Variants in AIDA observed in about 807,000 individuals in gnomAD.
AIDA encodes axin interactor, dorsalization associated.
Under a neutral mutation model 42.7 loss-of-function variants are expected in AIDA, and 18 were observed. That is an observed-to-expected ratio of 0.42 (90% CI 0.29 to 0.63). The LOEUF (loss-of-function observed/expected upper bound fraction) is 0.63, where lower values mean the gene tolerates loss of function less well. Among genes scored for constraint, AIDA ranks in the 20% least tolerant of loss-of-function variants. AIDA has a pLI of 0.19. For missense variants in AIDA, 250 were observed against 354.1 expected (o/e 0.71, Z 2.36); for synonymous variants, 104 against 122.9 (o/e 0.85, Z 1.02).
chr1:222,696,882 C>G (rs917374444), intron 2 of AIDA, among the ~76,000 whole-genome samples: 1 of 152,036 alleles, frequency 6.6e-6, no homozygotes, highest in Non-Finnish European at 1.5e-5. Context: ...TATGAGTCCA[C>G]CAATAAACTA....
At position 222,712,300 on chromosome 1, in the gene AIDA, C is replaced by G; in HGVS notation, c.18G>C (p.Arg6=). The change falls in exon 1 of 10, where the codon CGG becomes CGC. Residue 6 remains arginine (R), a synonymous_variant. Coordinates refer to ENST00000340020, the MANE Select transcript of AIDA (RefSeq NM_022831.4). The stretch of plus-strand genomic sequence containing the variant: ...TGGCGCCCCAGCGCTGCAGCAGACT[C>G]CGGGTCACCTCCGACATGGCCGGTC... MSEVT[R]SLLQRWGASF... is the part of the protein sequence containing the mutation. The G allele has an allele frequency of 1.3e-6, 2 of 1,570,140 alleles. No individual in the cohort carries two copies. The highest frequency in any genetic ancestry group is 1.7e-6 in the Non-Finnish European group (2 of 1,157,656).
At chr1:222,687,428 C>T (rs1655230333) in intron 5 of AIDA, among the ~76,000 whole-genome samples, 167 bp downstream of exon 5, 1 of 151,846 alleles carries the variant, frequency 6.6e-6, no homozygotes, top group South Asian at 2.1e-4. Context: ...AAGACTCCAT[C>T]TCAAAAAAAT....
At chr1:222,702,272 C>G (rs1180579720) in intron 2 of AIDA, among the ~76,000 whole-genome samples, 2 of 152,126 alleles carry the variant, frequency 1.3e-5, no homozygotes, top group African/African-American at 4.8e-5. Flanking sequence ...GTGGAAAAAT[C>G]ATTACCACTC....
intron 2 of AIDA, among the ~76,000 whole-genome samples, chr1:222,702,017 C>A (rs1655722484): frequency 7.7e-6 from 1 of 130,436 alleles, no homozygotes. Flanking sequence ...AGCTACCACA[C>A]CCAGCCAAAA....
At chr1:222,700,827 G>A (rs1298691155) in intron 2 of AIDA, among the ~76,000 whole-genome samples, 1 of 151,906 alleles carries the variant, frequency 6.6e-6, no homozygotes, top group East Asian at 1.9e-4. Context: ...CCATGTGGCT[G>A]CTAAGGAATA....
intron 4 of AIDA, among the ~76,000 whole-genome samples, chr1:222,688,590 T>G (rs933851387): frequency 6.6e-6 from 1 of 151,462 alleles, no homozygotes; most frequent in Non-Finnish European, 1.5e-5. Context: ...TTCTACTTAC[T>G]AAAAAAAAGT....
At chr1:222,685,032 A>G (rs765781262) in intron 6 of AIDA, among the ~76,000 whole-genome samples, 1 of 152,188 alleles carries the variant, frequency 6.6e-6, no homozygotes, top group African/African-American at 2.4e-5. Flanking sequence ...AATACCCTAT[A>G]AAAGCAAGAA....
At chr1:222,671,727 G>A (rs1664452709) in intron 8 of AIDA, among the ~76,000 whole-genome samples, 1 of 152,170 alleles carries the variant, frequency 6.6e-6, no homozygotes, top group Admixed American at 6.5e-5. Flanking sequence ...CTCTTCCCTA[G>A]GTGTGTGACC....
rs948869272 is a variant in AIDA, at chr1:222,669,072, ATTTTTAGATTACAT to A, written c.*807_*820del. 1.3e-5 allele frequency: 2 copies of A among 151,942 alleles called. No individual in the cohort carries two copies. Among genetic ancestry groups the A allele is most frequent in the African/African-American group, 4.8e-5 (2 of 41,338 alleles). The allele number at this position is 151,942 out of a possible 1,614,324, so 9.4% of individuals were successfully genotyped here. A position where few individuals can be genotyped will look rare whatever the true frequency, so the allele number is the denominator to read the frequency against. On this transcript the variant is annotated 3_prime_UTR_variant, in exon 10 of 10. Coordinates refer to ENST00000340020, the MANE Select transcript of AIDA (RefSeq NM_022831.4). ...TATCTCGTTAGCATCTGACTCAATT[ATTTTTAGATTACAT>A]TGTTTAGAAGACATTGTAAACCCAT...
intron 6 of AIDA, among the ~76,000 whole-genome samples, chr1:222,681,424 G>T (rs1464451885): frequency 6.6e-6 from 1 of 152,208 alleles, no homozygotes; most frequent in African/African-American, 2.4e-5. Flanking sequence ...AGCACTTTGG[G>T]AGGCCAAGGT....
At chr1:222,687,414 A>T (rs1655229944) in intron 5 of AIDA, among the ~76,000 whole-genome samples, 181 bp downstream of exon 5, 1 of 152,046 alleles carries the variant, frequency 6.6e-6, no homozygotes, top group South Asian at 2.1e-4. Context: ...CTGGGTGACA[A>T]AGCAAGACTC....
intron 8 of AIDA, 40 bp from the exon 9 acceptor site, chr1:222,670,290 C>G: frequency 6.6e-7 from 1 of 1,503,982 alleles, no homozygotes; most frequent in African/African-American, 1.4e-5. Flanking sequence ...ACAGATAGCA[C>G]ATTTCTTGTG....
chr1:222,706,494 A>T (rs552471681), intron 1 of AIDA, among the ~76,000 whole-genome samples: 37 of 147,240 alleles, frequency 2.5e-4, no homozygotes, highest in African/African-American at 7.9e-4. Context: ...ACACCAATTT[A>T]AAAAAAAAAA....
chr1:222,688,326 A>G (rs1655256303), intron 4 of AIDA, among the ~76,000 whole-genome samples: 1 of 152,116 alleles, frequency 6.6e-6, no homozygotes, highest in Non-Finnish European at 1.5e-5. Context: ...TAATTCTCAT[A>G]TTTCTTTTAT....
intron 1 of AIDA, among the ~76,000 whole-genome samples, chr1:222,705,662 C>G (rs1226862740): frequency 2.6e-5 from 4 of 152,140 alleles, no homozygotes; most frequent in Admixed American, 6.5e-5. Flanking sequence ...GTGGGTGGAT[C>G]ACCTGAGGTG....
intron 1 of AIDA, among the ~76,000 whole-genome samples, chr1:222,709,670 A>G (rs1051044154): frequency 2.0e-5 from 3 of 152,214 alleles, no homozygotes; most frequent in Non-Finnish European, 2.9e-5. Context: ...TAATGGGGGG[A>G]AAAGTGCCCC....
intron 4 of AIDA, among the ~76,000 whole-genome samples, chr1:222,691,272 T>A (rs1017232680): frequency 4.6e-5 from 7 of 152,140 alleles, no homozygotes; most frequent in African/African-American, 1.7e-4. Context: ...AAGGAATAAA[T>A]CAACTGTATA....
chr1:222,670,983 C>G (rs1329571486), intron 8 of AIDA, among the ~76,000 whole-genome samples: 1 of 152,126 alleles, frequency 6.6e-6, no homozygotes, highest in African/African-American at 2.4e-5. Flanking sequence ...CTTTGGGAGG[C>G]AGAGATGGGC....
At chr1:222,699,655 A>G (rs1465865390) in intron 2 of AIDA, among the ~76,000 whole-genome samples, 1 of 152,208 alleles carries the variant, frequency 6.6e-6, no homozygotes, top group African/African-American at 2.4e-5. Context: ...CTAATCATTT[A>G]TTAACTTAGA....
Sources: gnomAD v4.1 joint callset for allele counts (sites outside exome capture counted in the v4.1 genomes callset) on GRCh38, gnomAD v4.1.1 for gene constraint, MANE v1.5 for transcripts, NCBI Gene and HGNC (gene_info 2026-07-23, HGNC 2026-07-21) for gene names.